Variants in NELL2 observed in about 807,000 individuals in gnomAD.
NELL2 encodes the protein protein kinase C-binding protein NELL2.
NELL2 carries 41 observed loss-of-function variants against 109.6 expected under a neutral mutation model. The ratio of observed to expected loss-of-function variants is 0.37; its 90% CI spans 0.29 to 0.49. The LOEUF (loss-of-function observed/expected upper bound fraction) is 0.49, where lower values mean the gene tolerates loss of function less well. NELL2 is among the 20% of genes least tolerant of loss of function. The pLI, the probability that NELL2 is intolerant of heterozygous loss-of-function variation, is 0.98. For missense variants in NELL2, 900 were observed against 1,008.3 expected, an observed-to-expected ratio of 0.89 and a Z score of 1.45; for synonymous variants, 355 against 344.7, an observed-to-expected ratio of 1.03 and a Z score of -0.33.
At chr12:44,511,235 T>A (rs1940990039) in intron 19 of NELL2, among the ~76,000 whole-genome samples, 1 of 152,230 alleles carries the variant, frequency 6.6e-6, no homozygotes, top group Non-Finnish European at 1.5e-5. Flanking sequence ...CATGGACAAC[T>A]AATAAAGCAT....
intron 1 of NELL2, among the ~76,000 whole-genome samples, chr12:44,905,003 A>G (rs1403627115): frequency 6.6e-6 from 1 of 152,110 alleles, no homozygotes; most frequent in East Asian, 1.9e-4. Flanking sequence ...CTGAACACCA[A>G]TGACTGGACC....
At chr12:44,916,429 A>G (rs1485801926), upstream of NELL2, among the ~76,000 whole-genome samples, 1 of 152,214 alleles carries the variant, frequency 6.6e-6, no homozygotes, top group Non-Finnish European at 1.5e-5. Context: ...CACCAGACCC[A>G]CATTTTTAAA....
chr12:44,646,982 A>G (rs1947118832), intron 13 of NELL2, among the ~76,000 whole-genome samples: 1 of 152,236 alleles, frequency 6.6e-6, no homozygotes, highest in Admixed American at 6.5e-5. Context: ...GATTAAATAA[A>G]AAATGCATAT....
At chr12:44,650,396 C>CA (rs1276958562) in intron 13 of NELL2, among the ~76,000 whole-genome samples, 1 of 151,460 alleles carries the variant, frequency 6.6e-6, no homozygotes, top group African/African-American at 2.4e-5. Flanking sequence ...CAGATTTAAG[C>CA]AATTCTCTCC....
intron 16 of NELL2, among the ~76,000 whole-genome samples, chr12:44,529,076 A>T (rs1326109964): frequency 6.6e-6 from 1 of 152,170 alleles, no homozygotes; most frequent in African/African-American, 2.4e-5. Context: ...TTCTAGAAGA[A>T]TCACTCTGAA....
chr12:44,544,577 G>C (rs887130953), intron 15 of NELL2, among the ~76,000 whole-genome samples: 1 of 152,028 alleles, frequency 6.6e-6, no homozygotes, highest in African/African-American at 2.4e-5. Flanking sequence ...AGTGAGTCAG[G>C]TGACTATTTC....
At chr12:44,580,668 G>A (rs374209013) in intron 15 of NELL2, among the ~76,000 whole-genome samples, 7 of 152,112 alleles carry the variant, frequency 4.6e-5, no homozygotes, top group Admixed American at 2.0e-4. Flanking sequence ...AGCCAAAATC[G>A]CGCTACTGCA....
chr12:44,876,589 G>C (rs1255154505), upstream of NELL2: 2 of 1,536,112 alleles, frequency 1.3e-6, no homozygotes, highest in Non-Finnish European at 1.8e-6. Flanking sequence ...TAAGTTGATG[G>C]GCGGTCTTTG....
At chr12:44,631,736 G>C (rs867631707) in intron 13 of NELL2, among the ~76,000 whole-genome samples, 1 of 152,014 alleles carries the variant, frequency 6.6e-6, no homozygotes, top group African/African-American at 2.4e-5. Flanking sequence ...ATGATGAATA[G>C]GTTAGTAAAT....
At position 44,550,546 on chromosome 12, in the gene NELL2, CATAAATAAATAAATAAATAA is replaced by C. The variant is rs61282621; in HGVS notation, c.1664-17845_1664-17826del. Among the ~76,000 whole-genome samples, 907 of 139,054 alleles carry C rather than the reference CATAAATAAATAAATAAATAA, an allele frequency of 6.5e-3. 8 individuals are homozygous for C. The highest frequency in any genetic ancestry group is 0.023 in the African/African-American group (851 of 37,538). 91.2% of individuals were successfully genotyped at this position (139,054 alleles called of 152,430 possible). A position where few individuals can be genotyped will look rare whatever the true frequency, so the allele number is the denominator to read the frequency against. On this transcript the variant is annotated intron_variant, in intron 15 of 19. Coordinates refer to ENST00000429094, the MANE Select transcript of NELL2 (RefSeq NM_001145108.2). ...GCAACAGAGTGAGACTCCATCTCAA[CATAAATAAATAAATAAATAA>C]ATAAATAAATAAATAAATAAATAAA...
intron 15 of NELL2, among the ~76,000 whole-genome samples, chr12:44,558,796 A>G (rs895577477): frequency 2.6e-5 from 4 of 152,082 alleles, no homozygotes; most frequent in Non-Finnish European, 5.9e-5. Context: ...TTCATACTCC[A>G]GTGGCGACTG....
chr12:44,738,855 A>G (rs1395605078), intron 9 of NELL2, among the ~76,000 whole-genome samples: 1 of 152,234 alleles, frequency 6.6e-6, no homozygotes, highest in Non-Finnish European at 1.5e-5. Context: ...GTGACAAGTT[A>G]ATAAGCTGAA....
At chr12:44,759,097 A>G (rs1941012691) in intron 9 of NELL2, among the ~76,000 whole-genome samples, 1 of 152,170 alleles carries the variant, frequency 6.6e-6, no homozygotes, top group South Asian at 2.1e-4. Flanking sequence ...CATACTTCCT[A>G]TCTTGTTACT....
upstream of NELL2, among the ~76,000 whole-genome samples, chr12:44,917,617 T>C (rs561364878): frequency 6.6e-6 from 1 of 152,272 alleles, no homozygotes; most frequent in South Asian, 2.1e-4. Context: ...TTCTAATCGA[T>C]AGAATATGGC....
In NELL2 at chr12:44,607,220, C is replaced by T. The variant is rs562088318; in HGVS notation, c.1612G>A (p.Ala538Thr). The T allele has an allele frequency of 8.7e-6, 14 of 1,612,662 alleles. No individual in the cohort carries two copies. The highest frequency in any genetic ancestry group is 5.0e-5 in the Admixed American group (3 of 59,830). Residue 538 changes from alanine (A) to threonine (T), a missense_variant, in exon 15 of 20, where the codon GCT becomes ACT. Ala to Thr is a moderately conservative substitution (Grantham distance 58). Coordinates refer to ENST00000429094, the MANE Select transcript of NELL2 (RefSeq NM_001145108.2). ...CCTTGTGGGCAGGCACACACATTAG[C>T]GGCAATACAGGCTCCTCCATTCCTA... is the stretch of plus-strand genomic sequence containing the variant. Reference protein sequence around the residue: ...GCRNGGACIAANVCACPQGFT... With the variant: ...GCRNGGACIATNVCACPQGFT...
intron 9 of NELL2, among the ~76,000 whole-genome samples, chr12:44,754,334 C>T (rs1940787320): frequency 6.6e-6 from 1 of 152,134 alleles, no homozygotes; most frequent in Admixed American, 6.5e-5. Flanking sequence ...AACATTTACT[C>T]TATGGAAATA....
In NELL2 at chr12:44,610,828, C is replaced by A. The variant is rs1384641064; in HGVS notation, c.1567+20G>T. ...GGCATTATACATAATGGAAGAGGCA[C>A]TGGCATTTAAACCTTTTACCTTTGC... On this transcript the variant is annotated intron_variant, in intron 14 of 19. Coordinates refer to ENST00000429094, the MANE Select transcript of NELL2 (RefSeq NM_001145108.2). The A allele has an allele frequency of 6.2e-7, 1 of 1,612,482 alleles. No homozygotes were observed. The highest frequency in any genetic ancestry group is 8.5e-7 in the Non-Finnish European group (1 of 1,178,960).
chr12:44,561,683 G>A lies in NELL2; in HGVS notation c.1664-28962C>T, dbSNP rs190735978. Among the ~76,000 whole-genome samples the A allele has an allele frequency of 5.0e-3, 757 of 152,084 alleles. 5 individuals carry two copies. Among genetic ancestry groups the A allele is most frequent in the Non-Finnish European group, 8.3e-3 (564 of 67,934 alleles). ...GGAAATAAGAGAGGACACAAACAAA[G>A]GTAAAAACATTCCATGCTCATGGAT... is the stretch of plus-strand genomic sequence containing the variant. On this transcript the variant is annotated intron_variant, in intron 15 of 19. Coordinates refer to ENST00000429094, the MANE Select transcript of NELL2 (RefSeq NM_001145108.2).
At chr12:44,624,535 T>C (rs150509704) in intron 13 of NELL2, among the ~76,000 whole-genome samples, 2 of 152,042 alleles carry the variant, frequency 1.3e-5, no homozygotes, top group South Asian at 4.2e-4. Flanking sequence ...CTAGTACAAC[T>C]GGCAAATAGG....
Sources: allele counts gnomAD v4.1 joint callset (sites outside exome capture counted in the v4.1 genomes callset), GRCh38; gene constraint gnomAD v4.1.1; transcripts MANE v1.5; gene names NCBI Gene and HGNC (gene_info 2026-07-23, HGNC 2026-07-21).